LRRC56: variants seen among roughly 807,000 people sequenced by gnomAD.
LRRC56 encodes the protein leucine-rich repeat-containing protein 56.
In LRRC56, 41 loss-of-function variants were observed where a neutral mutation model predicts 47.8. That is an observed-to-expected ratio of 0.86 (90% CI 0.67 to 1.11). The LOEUF (loss-of-function observed/expected upper bound fraction) is 1.11, where lower values mean the gene tolerates loss of function less well. Among genes scored for constraint, LRRC56 ranks in the 50% most tolerant of loss-of-function variants. The pLI, the probability that LRRC56 is intolerant of heterozygous loss-of-function variation, is 0.00. For synonymous variants in LRRC56, 387 were observed against 311.2 expected (o/e 1.24, Z -2.56); for missense variants, 759 against 704.2 (o/e 1.08, Z -0.88).
At chr11:549,427 C>T (rs964859345) in intron 6 of LRRC56, among the ~76,000 whole-genome samples, 1 of 152,214 alleles carries the variant, frequency 6.6e-6, no homozygotes, top group African/African-American at 2.4e-5. Context: ...CCTGACCCAC[C>T]GCCACCTCCA....
chr11:511,379 A>G, the LRRC56 span, among the ~76,000 whole-genome samples: 295 of 152,072 alleles, frequency 1.9e-3, 1 homozygote, highest in African/African-American at 6.9e-3. Context: ...AATATTTGAG[A>G]ATTCAACTTG....
intron 7 of LRRC56, 23 bp downstream of exon 7, chr11:550,021 G>A (rs1262377199): frequency 6.2e-6 from 10 of 1,611,430 alleles, no homozygotes; most frequent in Non-Finnish European, 8.5e-6. Context: ...ACCCTGGGCT[G>A]GGGAGGCCTG....
chr11:518,818 G>T, the LRRC56 span, among the ~76,000 whole-genome samples: 1 of 152,046 alleles, frequency 6.6e-6, no homozygotes, highest in Non-Finnish European at 1.5e-5. Flanking sequence ...TGTGGCCGGC[G>T]GCGCGCGAGG....
At chr11:540,953 GTC>G in intron 4 of LRRC56, 92 bp downstream of exon 4, 2 of 1,089,668 alleles carry the variant, frequency 1.8e-6, no homozygotes. Context: ...CCTGCCCTCT[GTC>G]CCCCTCCTGC....
upstream of LRRC56, among the ~76,000 whole-genome samples, chr11:533,092 T>G (rs987604168): frequency 6.6e-5 from 10 of 152,238 alleles, no homozygotes; most frequent in South Asian, 1.0e-3. Flanking sequence ...AACCAACAGG[T>G]GCCCGTGGGA....
In LRRC56 at chr11:553,970, C is replaced by T. The variant is rs923216565; in HGVS notation, c.1323C>T (p.Ser441=). 76 of 1,611,160 alleles carry T rather than the reference C, an allele frequency of 4.7e-5. No homozygotes were observed. In the Admixed American group the frequency reaches 5.2e-4, roughly 11 times the overall value. ...ACTCTGCTTGCTTTCTAGAGCCCTCCGGGACCTCGAGCCAGCACCTGGTCC... is the reference window on the plus strand; with the variant it reads ...ACTCTGCTTGCTTTCTAGAGCCCTCTGGGACCTCGAGCCAGCACCTGGTCC... ...SSPPSLASEP[S]GTSSQHLVPS... The change falls in exon 14 of 14, where the codon TCC becomes TCT. Residue 441 remains serine, a synonymous_variant. Coordinates refer to ENST00000270115, the MANE Select transcript of LRRC56 (RefSeq NM_198075.4).
the LRRC56 span, among the ~76,000 whole-genome samples, chr11:514,784 C>T: frequency 6.6e-6 from 1 of 152,154 alleles, no homozygotes; most frequent in Non-Finnish European, 1.5e-5. Context: ...CGAAAAATCC[C>T]TCCGACTGGC....
the LRRC56 span, among the ~76,000 whole-genome samples, chr11:531,722 A>T: frequency 6.6e-6 from 1 of 152,236 alleles, no homozygotes; most frequent in Non-Finnish European, 1.5e-5. Context: ...CCAATGAGGC[A>T]GAGGCCTGAG....
chr11:536,119 C>T (rs1851481957), upstream of LRRC56, among the ~76,000 whole-genome samples: 1 of 152,240 alleles, frequency 6.6e-6, no homozygotes, highest in African/African-American at 2.4e-5. Context: ...CCCCAGCTCC[C>T]CTACTCCCAC....
At chr11:536,599 G>C (rs557640009), upstream of LRRC56, among the ~76,000 whole-genome samples, 144 of 152,164 alleles carry the variant, frequency 9.5e-4, 4 homozygotes, top group South Asian at 0.029. Flanking sequence ...ATGAAACCCT[G>C]TCTCTACTAA....
At chr11:526,254 A>C in the LRRC56 span, among the ~76,000 whole-genome samples, 1 of 152,224 alleles carries the variant, frequency 6.6e-6, no homozygotes, top group Non-Finnish European at 1.5e-5. Flanking sequence ...AGACTTGAAC[A>C]AAAACTTCAG....
At position 552,628 on chromosome 11, in the gene LRRC56, C is replaced by G. The variant is rs778032193; in HGVS notation, c.1241C>G (p.Pro414Arg). 7 of 1,610,816 alleles carry G rather than the reference C, an allele frequency of 4.3e-6. No homozygotes were observed. The highest frequency in any genetic ancestry group is 1.1e-5 in the South Asian group (1 of 90,952). ...QQEGAVAPWG[P>R]RRVPEEQVHQ... is the part of the protein sequence containing the mutation. ...GAAGGGGCTGTAGCCCCCTGGGGCC[C>G]ACGGAGGGTCCCTGAAGAGCAAGTG... The change falls in exon 13 of 14, where the codon CCA (proline) becomes CGA (arginine). Residue 414 changes from proline (P) to arginine (R), a missense_variant. Transcript: ENST00000270115.
chr11:550,662 G>A (rs960626069), intron 8 of LRRC56, among the ~76,000 whole-genome samples: 1 of 152,144 alleles, frequency 6.6e-6, no homozygotes, highest in Non-Finnish European at 1.5e-5. Context: ...AGTATCTCGG[G>A]GCTCTGCGTG....
upstream of LRRC56, chr11:533,843 G>A (rs779428004): frequency 2.5e-6 from 4 of 1,613,380 alleles, no homozygotes; most frequent in South Asian, 2.2e-5. Context: ...CGGTGCGCAT[G>A]TACTGGTCCC....
At chr11:538,340 C>G (rs1407156868) in intron 1 of LRRC56, among the ~76,000 whole-genome samples, 3 of 152,180 alleles carry the variant, frequency 2.0e-5, no homozygotes, top group African/African-American at 7.2e-5. Flanking sequence ...TCGAGGCTGG[C>G]AGGCCTGGGA....
chr11:529,950 C>A, the LRRC56 span, among the ~76,000 whole-genome samples: 12 of 152,278 alleles, frequency 7.9e-5, no homozygotes, highest in African/African-American at 2.9e-4. Flanking sequence ...AGGGGGCTTC[C>A]GTGGAGCCCA....
At chr11:516,200 C>A in the LRRC56 span, among the ~76,000 whole-genome samples, 4 of 152,202 alleles carry the variant, frequency 2.6e-5, no homozygotes, top group South Asian at 4.1e-4. Flanking sequence ...TCAAGACCAG[C>A]CTGGCCAACA....
At chr11:507,318 C>G in the LRRC56 span, 4 of 110,754 alleles carry the variant, frequency 3.6e-5, no homozygotes, top group African/African-American at 1.4e-4. Flanking sequence ...CGGGGCCTGG[C>G]GGGAGTAGTC....
At chr11:535,790 T>G, upstream of LRRC56, among the ~76,000 whole-genome samples, 1 of 151,414 alleles carries the variant, frequency 6.6e-6, no homozygotes, top group African/African-American at 2.4e-5. Flanking sequence ...GAGCTCGGGG[T>G]TGCTCGAGGA....
Sources: gnomAD v4.1 joint callset for allele counts (sites outside exome capture counted in the v4.1 genomes callset) on GRCh38, gnomAD v4.1.1 for gene constraint, MANE v1.5 for transcripts, NCBI Gene and HGNC (gene_info 2026-07-23, HGNC 2026-07-21) for gene names.